Variants in PRKCQ observed in about 807,000 individuals in gnomAD.
PRKCQ encodes protein kinase C theta type.
A neutral mutation model predicts 91.2 loss-of-function variants in PRKCQ; 41 were observed. The ratio of observed to expected loss-of-function variants is 0.45; its 90% CI spans 0.35 to 0.58. The LOEUF is 0.58. Among genes scored for constraint, PRKCQ ranks in the 20% least tolerant of loss-of-function variants. The probability of loss-of-function intolerance (pLI) is 0.00; values close to 1 mark genes in which losing one functional copy is unlikely to be tolerated. For synonymous variants in PRKCQ, 307 were observed against 316.9 expected, an observed-to-expected ratio of 0.97 and a Z score of 0.33; for missense variants, 673 against 896.5, an observed-to-expected ratio of 0.75 and a Z score of 3.18.
At chr10:6,433,146 T>C (rs1833504337) in intron 16 of PRKCQ, among the ~76,000 whole-genome samples, 1 of 152,346 alleles carries the variant, frequency 6.6e-6, no homozygotes, top group African/African-American at 2.4e-5. Context: ...GATGCCTCAG[T>C]GATTTTCAAA....
At chr10:6,506,226 AT>A (rs1838199291) in intron 4 of PRKCQ, among the ~76,000 whole-genome samples, 1 of 152,210 alleles carries the variant, frequency 6.6e-6, no homozygotes, top group African/African-American at 2.4e-5. Flanking sequence ...TTTTAAAAAA[AT>A]TTTATTATGG....
intron 2 of PRKCQ, among the ~76,000 whole-genome samples, chr10:6,514,421 G>A (rs993733992): frequency 1.3e-5 from 2 of 152,016 alleles, no homozygotes; most frequent in Admixed American, 6.6e-5. Flanking sequence ...CAAACAGGAC[G>A]TTGGGTGGCT....
Position 6,430,687 on chromosome 10 carries a change from A to G in PRKCQ, c.1965+123T>C, listed in dbSNP as rs1564287340. 25 of 1,375,136 alleles carry G rather than the reference A, an allele frequency of 1.8e-5. No homozygotes were observed. Among genetic ancestry groups the G allele is most frequent in the Non-Finnish European group, 2.2e-5 (22 of 1,002,142 alleles). 85.2% of individuals were successfully genotyped at this position (1,375,136 alleles called of 1,614,324 possible). Reference sequence around the variant, plus strand: ...TTAGAGACGTGCATTCCTCCTGGAGAGTGGGGCTGGTGGGGAGTTGGGGCA... The same window carrying G: ...TTAGAGACGTGCATTCCTCCTGGAGGGTGGGGCTGGTGGGGAGTTGGGGCA... On this transcript the variant is annotated intron_variant, in intron 17 of 17. Coordinates refer to ENST00000263125, the MANE Select transcript of PRKCQ (RefSeq NM_006257.5). The surrounding 1 kb of genome is among the most constrained non-coding windows in gnomAD (Gnocchi z 4.7).
chr10:6,436,545 C>G (rs1053341409), intron 16 of PRKCQ, among the ~76,000 whole-genome samples: 3 of 152,332 alleles, frequency 2.0e-5, no homozygotes, highest in Non-Finnish European at 2.9e-5. Context: ...TCTACCTGTG[C>G]TGCATCCTGA....
Position 6,445,982 on chromosome 10 carries a change from G to A in PRKCQ, c.1648-3901C>T, listed in dbSNP as rs112470185. ...TGGAAGGACAGGAGACAGCTGTGGT[G>A]CAAATTAAGGCTTCAAAGCTTGGCG... On this transcript the variant is annotated intron_variant, in intron 15 of 17. Coordinates refer to ENST00000263125, the MANE Select transcript of PRKCQ (RefSeq NM_006257.5). Among the ~76,000 whole-genome samples the A allele has an allele frequency of 3.9e-4, 60 of 152,340 alleles. 2 individuals are homozygous for A. Among genetic ancestry groups the A allele is most frequent in the African/African-American group, 1.4e-3 (59 of 41,588 alleles).
intron 4 of PRKCQ, among the ~76,000 whole-genome samples, chr10:6,505,953 T>C (rs1020757316): frequency 6.6e-6 from 1 of 152,164 alleles, no homozygotes. Flanking sequence ...GACAAGACCC[T>C]TTTTCAATTT....
intron 4 of PRKCQ, among the ~76,000 whole-genome samples, chr10:6,499,698 C>G (rs1465738648): frequency 1.3e-5 from 2 of 152,190 alleles, no homozygotes; most frequent in African/African-American, 4.8e-5. Flanking sequence ...ATTTAAAAAG[C>G]AGGTTCATCA....
At chr10:6,502,778 T>TA (rs1198288896) in intron 4 of PRKCQ, among the ~76,000 whole-genome samples, 2 of 152,206 alleles carry the variant, frequency 1.3e-5, no homozygotes, top group African/African-American at 4.8e-5. Flanking sequence ...AAGGAGGCTA[T>TA]AAAAATTACT....
At position 6,428,076 on chromosome 10, in the gene PRKCQ, C is replaced by G. The variant is rs969212053; in HGVS notation, c.*131G>C. 3.5e-6 allele frequency: 4 copies of G among 1,158,036 alleles called. No individual in the cohort carries two copies. Among genetic ancestry groups the G allele is most frequent in the Non-Finnish European group, 4.9e-6 (4 of 813,654 alleles). 71.7% of individuals were successfully genotyped at this position (1,158,036 alleles called of 1,614,324 possible). A position where few individuals can be genotyped will look rare whatever the true frequency, so the allele number is the denominator to read the frequency against. The stretch of plus-strand genomic sequence containing the variant: ...GCTACAGATAAAAGTCACATGGGGG[C>G]GAACGGGTCTCAGTCTTTATTGTTG... On this transcript the variant is annotated 3_prime_UTR_variant, in exon 18 of 18. Transcript: ENST00000263125.
intron 12 of PRKCQ, among the ~76,000 whole-genome samples, chr10:6,472,829 C>T (rs1477380262): frequency 6.6e-6 from 1 of 152,186 alleles, no homozygotes; most frequent in Non-Finnish European, 1.5e-5. Context: ...TATCCTGCCT[C>T]AGCCTCCTGA....
In PRKCQ at chr10:6,467,389, CAGAGAGAGAGAGAGAG is replaced by C. The variant is rs1160599680; in HGVS notation, c.1354-3001_1354-2986del. 6.5e-4 allele frequency among the ~76,000 whole-genome samples: 18 copies of C among 27,788 alleles called. 1 individual carries two copies. Among genetic ancestry groups the C allele is most frequent in the Admixed American group, 4.6e-3 (9 of 1,976 alleles). The allele number at this position is 27,788 out of a possible 152,430, so 18.2% of individuals were successfully genotyped here. On this transcript the variant is annotated intron_variant, in intron 12 of 17. Coordinates refer to ENST00000263125, the MANE Select transcript of PRKCQ (RefSeq NM_006257.5). ...AGAGAGAGAGACAGAGAGAGACAGA[CAGAGAGAGAGAGAGAG>C]AGAGAGAGAGAGAGAGAGAGAGAGA... is the stretch of plus-strand genomic sequence containing the variant.
chr10:6,473,395 A>G (rs1012303342), intron 12 of PRKCQ, among the ~76,000 whole-genome samples: 1 of 152,150 alleles, frequency 6.6e-6, no homozygotes, highest in African/African-American at 2.4e-5. Context: ...CTGTAAATCG[A>G]CTCATTTTTG....
downstream of PRKCQ, among the ~76,000 whole-genome samples, chr10:6,425,176 C>A (rs906013209): frequency 2.0e-5 from 3 of 151,978 alleles, no homozygotes; most frequent in Non-Finnish European, 4.4e-5. Context: ...CACTGGTCAA[C>A]CCTCTAGTGT....
At chr10:6,533,871 G>C (rs578140157) in intron 1 of PRKCQ, among the ~76,000 whole-genome samples, 2 of 152,226 alleles carry the variant, frequency 1.3e-5, no homozygotes, top group African/African-American at 4.8e-5. Flanking sequence ...ACAGATTGAA[G>C]ATATTCATCC....
At chr10:6,555,135 AG>A (rs778018460) in intron 1 of PRKCQ, among the ~76,000 whole-genome samples, 4 of 150,104 alleles carry the variant, frequency 2.7e-5, no homozygotes, top group African/African-American at 9.9e-5. Flanking sequence ...TAAAGGTGGG[AG>A]GGGGGGGGTC....
At position 6,544,703 on chromosome 10, in the gene PRKCQ, C is replaced by T. The variant is rs138997041; in HGVS notation, c.-9-29559G>A. ...TGGCATGATCCAGGCTCACTGCAAC[C>T]TCCACCTCCTGGGTTTAAGAGATTC... On this transcript the variant is annotated intron_variant, in intron 1 of 17. Transcript: ENST00000263125. Among the ~76,000 whole-genome samples, 676 of 152,012 alleles carry T rather than the reference C, an allele frequency of 4.4e-3. 25 individuals are homozygous for T. In the East Asian group the frequency reaches 0.079, roughly 18 times the overall value.
intron 15 of PRKCQ, among the ~76,000 whole-genome samples, chr10:6,449,691 G>C (rs1050409531): frequency 2.0e-5 from 3 of 151,972 alleles, no homozygotes; most frequent in Non-Finnish European, 4.4e-5. Context: ...GAGAAAGGTC[G>C]GGTTACCCAC....
chr10:6,553,035 T>C (rs1331036577), intron 1 of PRKCQ, among the ~76,000 whole-genome samples: 2 of 152,194 alleles, frequency 1.3e-5, no homozygotes, highest in African/African-American at 4.8e-5. Context: ...CTCTTTAATG[T>C]CTGGTTTAAT....
chr10:6,400,777 G>C, the PRKCQ span, among the ~76,000 whole-genome samples: 1 of 150,734 alleles, frequency 6.6e-6, no homozygotes, highest in Non-Finnish European at 1.5e-5. Context: ...TGCTCGGCAG[G>C]CTGAGGTGGG....
Sources: allele counts gnomAD v4.1 joint callset (sites outside exome capture counted in the v4.1 genomes callset), GRCh38; gene constraint gnomAD v4.1.1; non-coding constraint Gnocchi (gnomAD v3.1); transcripts MANE v1.5; gene names NCBI Gene and HGNC (gene_info 2026-07-23, HGNC 2026-07-21).